Variants in KCNMB2 observed in about 807,000 individuals in gnomAD.
KCNMB2 encodes calcium-activated potassium channel subunit beta-2.
Under a neutral mutation model 24.5 loss-of-function variants are expected in KCNMB2, and 9 were observed. That is an observed-to-expected ratio of 0.37 (90% CI 0.22 to 0.64). KCNMB2 has a LOEUF of 0.64. Among genes scored for constraint, KCNMB2 ranks in the 30% least tolerant of loss-of-function variants. The pLI, the probability that KCNMB2 is intolerant of heterozygous loss-of-function variation, is 0.63. For missense variants in KCNMB2, 226 were observed against 284.3 expected, an observed-to-expected ratio of 0.79 and a Z score of 1.47; for synonymous variants, 109 against 104.4, an observed-to-expected ratio of 1.04 and a Z score of -0.27.
intron 1 of KCNMB2, among the ~76,000 whole-genome samples, chr3:178,632,630 C>T (rs1003218735): frequency 1.2e-4 from 19 of 152,106 alleles, no homozygotes; most frequent in Admixed American, 5.9e-4. Flanking sequence ...ATGGGGATTA[C>T]GGGAACTACA....
chr3:178,723,025 T>G (rs1000377651), intron 1 of KCNMB2, among the ~76,000 whole-genome samples: 1 of 152,200 alleles, frequency 6.6e-6, no homozygotes, highest in African/African-American at 2.4e-5. Context: ...AAAAATCAGT[T>G]GACTATAGTT....
chr3:178,593,624 T>TTAAA (rs1382331628), intron 1 of KCNMB2, among the ~76,000 whole-genome samples: 1 of 151,854 alleles, frequency 6.6e-6, no homozygotes, highest in East Asian at 1.9e-4. Flanking sequence ...TGACCAATAG[T>TTAAA]TATTTAATGT....
chr3:178,732,145 C>A (rs1408475684), intron 1 of KCNMB2, among the ~76,000 whole-genome samples: 1 of 151,910 alleles, frequency 6.6e-6, no homozygotes, highest in African/African-American at 2.4e-5. Flanking sequence ...AAAAAATTTG[C>A]GAGATACAAC....
At chr3:178,716,108 G>A (rs1722609863) in intron 1 of KCNMB2, among the ~76,000 whole-genome samples, 1 of 152,206 alleles carries the variant, frequency 6.6e-6, no homozygotes, top group African/African-American at 2.4e-5. Flanking sequence ...TGGTTCTTCT[G>A]AATTAACAGA....
At chr3:178,748,314 A>T (rs1723736957) in intron 1 of KCNMB2, 2 of 152,152 alleles carry the variant, frequency 1.3e-5, no homozygotes, top group Admixed American at 1.3e-4. Context: ...TCTAATAAAC[A>T]TTTTCTCTTT....
chr3:178,774,846 CTT>C (rs1268270295), intron 1 of KCNMB2, among the ~76,000 whole-genome samples: 2 of 152,162 alleles, frequency 1.3e-5, no homozygotes, highest in Admixed American at 6.5e-5. Context: ...CATTTTAACA[CTT>C]AGTGCAATTT....
chr3:178,699,358 C>T (rs982710158), intron 1 of KCNMB2, among the ~76,000 whole-genome samples: 4 of 152,222 alleles, frequency 2.6e-5, no homozygotes, highest in African/African-American at 9.6e-5. Flanking sequence ...TGCACTCTTG[C>T]ATCCTGATGG....
chr3:178,550,963 C>CTTTGGAT (rs997802476), intron 1 of KCNMB2, among the ~76,000 whole-genome samples: 13 of 152,010 alleles, frequency 8.6e-5, no homozygotes, highest in Non-Finnish European at 8.8e-5. Flanking sequence ...AAAGGAAGAG[C>CTTTGGAT]TTTGGATTTT....
intron 1 of KCNMB2, among the ~76,000 whole-genome samples, chr3:178,607,748 T>C (rs746406700): frequency 2.6e-5 from 4 of 152,300 alleles, no homozygotes; most frequent in Non-Finnish European, 4.4e-5. Flanking sequence ...CATTCATAAT[T>C]TCTTGGGTCA....
Sources: allele counts gnomAD v4.1 joint callset (sites outside exome capture counted in the v4.1 genomes callset), GRCh38; gene constraint gnomAD v4.1.1; transcripts MANE v1.5; gene names NCBI Gene and HGNC (gene_info 2026-07-23, HGNC 2026-07-21).